The following AXDND1 variants were observed in gnomAD, a reference collection of about 807,000 sequenced individuals.
AXDND1 encodes the protein axonemal dynein light chain domain-containing protein 1.
In AXDND1, 110 loss-of-function variants were observed where a neutral mutation model predicts 137.5. That is an observed-to-expected ratio of 0.80 (90% CI 0.69 to 0.94). The LOEUF (loss-of-function observed/expected upper bound fraction) is 0.94, where lower values mean the gene tolerates loss of function less well. AXDND1 is among the 40% of genes least tolerant of loss of function. AXDND1 has a pLI of 0.00. For missense variants in AXDND1, 1,191 were observed against 1,169.8 expected, an observed-to-expected ratio of 1.02 and a Z score of -0.26; for synonymous variants, 414 against 399.7, an observed-to-expected ratio of 1.04 and a Z score of -0.43.
At chr1:179,476,063 G>C (rs1025335562) in intron 17 of AXDND1, among the ~76,000 whole-genome samples, 1 of 151,934 alleles carries the variant, frequency 6.6e-6, no homozygotes, top group Non-Finnish European at 1.5e-5. Context: ...TTCCCCTTAC[G>C]CCATGATTAT....
At chr1:179,369,438 G>A (rs1019171621) in intron 3 of AXDND1, among the ~76,000 whole-genome samples, 2 of 152,084 alleles carry the variant, frequency 1.3e-5, no homozygotes, top group South Asian at 2.1e-4. Flanking sequence ...GGCAGATCAC[G>A]AGGTCAGGAG....
At chr1:179,535,619 A>G (rs866765984) in intron 25 of AXDND1, among the ~76,000 whole-genome samples, 2 of 152,176 alleles carry the variant, frequency 1.3e-5, no homozygotes, top group Non-Finnish European at 2.9e-5. Flanking sequence ...TATCCAGTCT[A>G]TCATTGATGG....
intron 12 of AXDND1, among the ~76,000 whole-genome samples, chr1:179,419,491 G>A (rs1186703806): frequency 6.7e-6 from 1 of 149,516 alleles, no homozygotes; most frequent in Non-Finnish European, 1.5e-5. Flanking sequence ...GCGTGCGCCT[G>A]CAATCGCAGG....
intron 11 of AXDND1, among the ~76,000 whole-genome samples, chr1:179,396,815 T>C (rs558139149): frequency 3.4e-4 from 52 of 152,334 alleles, no homozygotes; most frequent in African/African-American, 1.3e-3. Flanking sequence ...TCACTCAGAA[T>C]GGATTTTTCC....
chr1:179,366,283 T>C (rs139935947), intron 1 of AXDND1, 121 bp from the exon 2 acceptor site: 8,463 of 404,690 alleles, frequency 0.021, 165 homozygotes, highest in Middle Eastern at 0.028. Context: ...CCCCAGAACA[T>C]AGAGGTCGCC....
At chr1:179,439,869 GCACCCA>G (rs75357224) in intron 15 of AXDND1, among the ~76,000 whole-genome samples, 44,437 of 151,830 alleles carry the variant, frequency 0.29, 6,670 homozygotes, top group Non-Finnish European at 0.31. Flanking sequence ...CACCTTGAGG[GCACCCA>G]CATGGTTTCT....
At chr1:179,428,288 A>T (rs1214965650) in intron 12 of AXDND1, among the ~76,000 whole-genome samples, 6 of 152,264 alleles carry the variant, frequency 3.9e-5, no homozygotes, top group Non-Finnish European at 7.3e-5. Flanking sequence ...GTATTTCAAT[A>T]GTAGAGAGCT....
intron 10 of AXDND1, 112 bp from the exon 11 acceptor site, chr1:179,394,986 G>A: frequency 1.3e-6 from 1 of 796,192 alleles, no homozygotes. Flanking sequence ...AAACTGGGAA[G>A]GGAGGTACAC....
chr1:179,459,197 C>T (rs541081307), intron 16 of AXDND1, among the ~76,000 whole-genome samples: 20 of 152,220 alleles, frequency 1.3e-4, no homozygotes, highest in Admixed American at 9.8e-4. Context: ...AATGTCCAGG[C>T]CGAATAATGG....
intron 6 of AXDND1, among the ~76,000 whole-genome samples, chr1:179,381,605 A>G (rs1213265606): frequency 6.6e-6 from 1 of 151,906 alleles, no homozygotes; most frequent in Non-Finnish European, 1.5e-5. Context: ...CGGCCTCCCA[A>G]AGTGCTGGGA....
chr1:179,395,620 T>G (rs926031684), intron 11 of AXDND1, among the ~76,000 whole-genome samples: 7 of 152,196 alleles, frequency 4.6e-5, no homozygotes, highest in African/African-American at 1.4e-4. Context: ...CATAGGTTAT[T>G]ACGAGTATTA....
At chr1:179,391,187 A>G (rs913678094) in intron 9 of AXDND1, among the ~76,000 whole-genome samples, 1 of 149,946 alleles carries the variant, frequency 6.7e-6, no homozygotes, top group Non-Finnish European at 1.5e-5. Context: ...ATTGCCTAAC[A>G]TTACTTTCTC....
chr1:179,388,714 A>G (rs532853357), intron 9 of AXDND1, among the ~76,000 whole-genome samples: 3 of 151,058 alleles, frequency 2.0e-5, no homozygotes, highest in Non-Finnish European at 2.9e-5. Context: ...TAGCCTCCCA[A>G]GTAGCTGGGA....
chr1:179,541,834 G>T (rs576925854), intron 25 of AXDND1, among the ~76,000 whole-genome samples: 1 of 151,950 alleles, frequency 6.6e-6, no homozygotes, highest in African/African-American at 2.4e-5. Flanking sequence ...AACAACCTAC[G>T]TGTTCAATCA....
chr1:179,552,416 G>A, intron 25 of AXDND1: 1 of 636,516 alleles, frequency 1.6e-6, no homozygotes, highest in Non-Finnish European at 2.9e-6. Flanking sequence ...TTCAGAGAGG[G>A]AGAGGAGTTG....
intron 25 of AXDND1, chr1:179,543,177 G>A (rs1672325990): frequency 6.6e-6 from 1 of 152,214 alleles, no homozygotes; most frequent in African/African-American, 2.4e-5. Context: ...TGAATGCTGA[G>A]TAAAGAGAAG....
At chr1:179,511,289 A>G (rs1042450262) in intron 21 of AXDND1, among the ~76,000 whole-genome samples, 18 of 149,894 alleles carry the variant, frequency 1.2e-4, no homozygotes, top group East Asian at 5.8e-4. Flanking sequence ...TAGTGTGTGT[A>G]TATATATATA....
chr1:179,429,621 TA>T lies in AXDND1; in HGVS notation c.1332+5del. 1 of 1,535,140 alleles carries T rather than the reference TA, an allele frequency of 6.5e-7. No individual in the cohort carries two copies. Among genetic ancestry groups the T allele is most frequent in the Non-Finnish European group, 8.8e-7 (1 of 1,139,650 alleles). ...TTCATCATACTGCTATCAAACAAGGTAAAGGTCAATTATCTTCAGTTATGGG... is the reference window on the plus strand; with the variant it reads ...TTCATCATACTGCTATCAAACAAGGTAAGGTCAATTATCTTCAGTTATGGG... On this transcript the variant is annotated splice_donor_region_variant and intron_variant, in intron 13 of 25. Coordinates refer to ENST00000367618, the MANE Select transcript of AXDND1 (RefSeq NM_144696.6).
chr1:179,485,495 A>G (rs1665934503), intron 18 of AXDND1, among the ~76,000 whole-genome samples: 1 of 152,172 alleles, frequency 6.6e-6, no homozygotes, highest in Non-Finnish European at 1.5e-5. Flanking sequence ...ACCTGAATCA[A>G]ACCTCCAAGG....
Sources: gnomAD v4.1 joint callset for allele counts (sites outside exome capture counted in the v4.1 genomes callset) on GRCh38, gnomAD v4.1.1 for gene constraint, MANE v1.5 for transcripts, NCBI Gene and HGNC (gene_info 2026-07-23, HGNC 2026-07-21) for gene names.